SYT9: variants seen among roughly 807,000 people sequenced by gnomAD.
SYT9 encodes the protein synaptotagmin 9.
In SYT9, 22 loss-of-function variants were observed where a neutral mutation model predicts 48.4. The ratio of observed to expected loss-of-function variants is 0.45; its 90% CI spans 0.32 to 0.65. The LOEUF is 0.65. Ranked by LOEUF, SYT9 falls within the 30% of genes least tolerant of loss-of-function variation. The probability of loss-of-function intolerance (pLI) is 0.03; values close to 1 mark genes in which losing one functional copy is unlikely to be tolerated. For synonymous variants in SYT9, 265 were observed against 245.0 expected (o/e 1.08, Z -0.76); for missense variants, 577 against 622.0 (o/e 0.93, Z 0.77).
intron 6 of SYT9, chr11:7,435,798 T>C (rs1847695258): frequency 6.6e-6 from 1 of 152,120 alleles, no homozygotes; most frequent in Non-Finnish European, 1.5e-5. Context: ...CCGACTAACA[T>C]AGTGAAACCC....
At chr11:7,320,021 C>T (rs931164306) in intron 3 of SYT9, among the ~76,000 whole-genome samples, 3 of 152,100 alleles carry the variant, frequency 2.0e-5, no homozygotes, top group Non-Finnish European at 4.4e-5. Context: ...TGCTATATGG[C>T]TCAAAGCTTA....
intron 3 of SYT9, among the ~76,000 whole-genome samples, chr11:7,325,096 A>G (rs965715436): frequency 2.0e-5 from 3 of 152,022 alleles, no homozygotes; most frequent in African/African-American, 4.8e-5. Context: ...TAGGCCTTCA[A>G]GTGTTCTTTG....
intron 3 of SYT9, among the ~76,000 whole-genome samples, chr11:7,340,166 A>G (rs945433685): frequency 1.3e-5 from 2 of 152,188 alleles, no homozygotes; most frequent in South Asian, 2.1e-4. Flanking sequence ...AATACTTGCA[A>G]TTGTATTGTG....
At position 7,360,478 on chromosome 11, in the gene SYT9, T is replaced by C. The variant is rs924145401; in HGVS notation, c.1044+46537T>C. 2.6e-5 allele frequency among the ~76,000 whole-genome samples: 4 copies of C among 152,286 alleles called. No individual in the cohort carries two copies. The East Asian group carries it at 5.8e-4, about 22-fold the overall frequency. On this transcript the variant is annotated intron_variant, in intron 3 of 6. Transcript: ENST00000318881. ...TTTTCACGATATTGATTCTTCCTACTCATGAGCATGGAATGTTCTTCCATT... is the reference window on the plus strand; with the variant it reads ...TTTTCACGATATTGATTCTTCCTACCCATGAGCATGGAATGTTCTTCCATT...
intron 3 of SYT9, among the ~76,000 whole-genome samples, chr11:7,386,051 T>A (rs887783594): frequency 1.6e-4 from 24 of 152,232 alleles, no homozygotes; most frequent in African/African-American, 5.8e-4. Flanking sequence ...ATAATATTTT[T>A]ATCTTTTTCT....
At chr11:7,370,766 A>G (rs1030274104) in intron 3 of SYT9, among the ~76,000 whole-genome samples, 7 of 152,228 alleles carry the variant, frequency 4.6e-5, no homozygotes. Flanking sequence ...TTTGAGAGCT[A>G]TTCACTGTTG....
At chr11:7,421,179 T>A (rs1299065167) in intron 6 of SYT9, among the ~76,000 whole-genome samples, 1 of 150,936 alleles carries the variant, frequency 6.6e-6, no homozygotes, top group Non-Finnish European at 1.5e-5. Flanking sequence ...GAAGGCAGTC[T>A]GGAGTATCTT....
chr11:7,349,150 C>G (rs1312441942), intron 3 of SYT9, among the ~76,000 whole-genome samples: 1 of 152,022 alleles, frequency 6.6e-6, no homozygotes, highest in South Asian at 2.1e-4. Flanking sequence ...GCCACTTACT[C>G]TCTTTACTGG....
chr11:7,318,883 A>T (rs1028030174), intron 3 of SYT9, among the ~76,000 whole-genome samples: 3 of 152,178 alleles, frequency 2.0e-5, no homozygotes, highest in Non-Finnish European at 4.4e-5. Flanking sequence ...TATTTCATTT[A>T]GCATTTTATT....
Position 7,313,812 on chromosome 11 carries a change from C to T in SYT9, c.915C>T (p.Phe305=). Residue 305 remains phenylalanine, a synonymous_variant, in exon 3 of 7, where the codon TTC becomes TTT. Transcript: ENST00000318881. ...YNDLEARKLH[F]SVYDFDRFSR... is the part of the protein sequence containing the mutation. Reference sequence around the variant, plus strand: ...ACCTTGAAGCACGGAAGCTTCACTTCTCTGTGTACGACTTTGACAGGTTCT... The same window carrying T: ...ACCTTGAAGCACGGAAGCTTCACTTTTCTGTGTACGACTTTGACAGGTTCT... 6.2e-7 allele frequency: 1 copy of T among 1,614,238 alleles called. No individual in the cohort carries two copies. Among genetic ancestry groups the T allele is most frequent in the South Asian group, 1.1e-5 (1 of 91,088 alleles).
intron 5 of SYT9, 49 bp from the exon 6 acceptor site, chr11:7,420,457 C>T (rs1381243842): frequency 1.2e-6 from 2 of 1,607,622 alleles, no homozygotes; most frequent in African/African-American, 2.7e-5. Context: ...AGCTATTGAT[C>T]TTACATACCA....
chr11:7,367,939 A>G (rs1850283522), intron 3 of SYT9, among the ~76,000 whole-genome samples: 1 of 152,206 alleles, frequency 6.6e-6, no homozygotes, highest in South Asian at 2.1e-4. Context: ...GATCTCCTTT[A>G]TTCATCACAA....
At chr11:7,317,432 G>A (rs1849262231) in intron 3 of SYT9, among the ~76,000 whole-genome samples, 1 of 152,150 alleles carries the variant, frequency 6.6e-6, no homozygotes, top group South Asian at 2.1e-4. Flanking sequence ...TCCTGGTGAG[G>A]CTCTCTTCCT....
intron 1 of SYT9, among the ~76,000 whole-genome samples, chr11:7,257,384 A>G (rs2119789740): frequency 6.6e-6 from 1 of 152,282 alleles, no homozygotes; most frequent in South Asian, 2.1e-4. Context: ...GAGAGGGGAA[A>G]AAACAAACAA....
intron 3 of SYT9, among the ~76,000 whole-genome samples, chr11:7,387,153 T>G (rs983949696): frequency 7.9e-5 from 12 of 151,332 alleles, no homozygotes; most frequent in Non-Finnish European, 1.6e-4. Flanking sequence ...TGTTGTGGGG[T>G]GTGGTGGGGG....
chr11:7,264,337 C>G (rs1299163809), intron 1 of SYT9, among the ~76,000 whole-genome samples: 1 of 152,084 alleles, frequency 6.6e-6, no homozygotes, highest in Non-Finnish European at 1.5e-5. Flanking sequence ...TAATTTCCAT[C>G]AGCATAGGTG....
intron 6 of SYT9, among the ~76,000 whole-genome samples, chr11:7,423,711 T>G (rs562383060): frequency 1.3e-5 from 2 of 152,134 alleles, no homozygotes; most frequent in Non-Finnish European, 2.9e-5. Context: ...ATGTGTGTCA[T>G]GGAGAATAAG....
At chr11:7,328,107 A>AT (rs1180552531) in intron 3 of SYT9, among the ~76,000 whole-genome samples, 1,638 of 150,470 alleles carry the variant, frequency 0.011, 30 homozygotes, top group African/African-American at 0.038. Context: ...TAATTTTAAA[A>AT]AAAATTTTTC....
chr11:7,356,984 A>G (rs1452814621), intron 3 of SYT9, among the ~76,000 whole-genome samples: 2 of 152,172 alleles, frequency 1.3e-5, no homozygotes, highest in African/African-American at 4.8e-5. Flanking sequence ...TGCAAGAAAA[A>G]ATACAAGATA....
Sources: gnomAD v4.1 joint callset for allele counts (sites outside exome capture counted in the v4.1 genomes callset) on GRCh38, gnomAD v4.1.1 for gene constraint, MANE v1.5 for transcripts, NCBI Gene and HGNC (gene_info 2026-07-23, HGNC 2026-07-21) for gene names.